Variants in TPST1 observed in about 807,000 individuals in gnomAD.
TPST1 encodes protein-tyrosine sulfotransferase 1.
A neutral mutation model predicts 34.8 loss-of-function variants in TPST1; 20 were observed. The observed-to-expected ratio is 0.57, with a 90% CI of 0.40 to 0.84. The LOEUF is 0.84. TPST1 is among the 40% of genes least tolerant of loss of function. The pLI, the probability that TPST1 is intolerant of heterozygous loss-of-function variation, is 0.00. For synonymous variants in TPST1, 152 were observed against 159.4 expected, an observed-to-expected ratio of 0.95 and a Z score of 0.35; for missense variants, 353 against 455.5, an observed-to-expected ratio of 0.78 and a Z score of 2.05.
chr7:66,317,533 TA>T (rs1177191912), intron 3 of TPST1, among the ~76,000 whole-genome samples: 1 of 152,168 alleles, frequency 6.6e-6, no homozygotes, highest in African/African-American at 2.4e-5. Context: ...CTATCCCCAA[TA>T]TTTTTTGGTT....
chr7:66,356,843 C>T lies in TPST1; in HGVS notation c.*1C>T. 1 of 1,614,158 alleles carries T rather than the reference C, an allele frequency of 6.2e-7. No individual in the cohort carries two copies. The highest frequency in any genetic ancestry group is 1.1e-5 in the South Asian group (1 of 91,088). On this transcript the variant is annotated 3_prime_UTR_variant, in exon 5 of 6. Coordinates refer to ENST00000304842, the MANE Select transcript of TPST1 (RefSeq NM_003596.4). ...TCAACAGACTGAGCAAGTGGAGTAG[C>T]AGAACCAGGAGCCTCTTCCATACAT... is the stretch of plus-strand genomic sequence containing the variant.
At chr7:66,347,727 T>C (rs1321554656) in intron 3 of TPST1, among the ~76,000 whole-genome samples, 1 of 152,224 alleles carries the variant, frequency 6.6e-6, no homozygotes, top group East Asian at 1.9e-4. Flanking sequence ...AATTTTATTT[T>C]ATTCATAGCT....
intron 3 of TPST1, among the ~76,000 whole-genome samples, chr7:66,320,466 C>T (rs1387887313): frequency 6.6e-6 from 1 of 151,692 alleles, no homozygotes; most frequent in East Asian, 1.9e-4. Context: ...CCAGGATGGT[C>T]TCGATCTCCT....
At chr7:66,233,821 C>T (rs1035784720) in intron 1 of TPST1, among the ~76,000 whole-genome samples, 2 of 152,204 alleles carry the variant, frequency 1.3e-5, no homozygotes, top group Non-Finnish European at 1.5e-5. Context: ...CACCCACTTT[C>T]CCTCTTGGTC....
intron 3 of TPST1, among the ~76,000 whole-genome samples, chr7:66,340,088 C>T (rs1792204914): frequency 6.6e-6 from 1 of 152,040 alleles, no homozygotes; most frequent in South Asian, 2.1e-4. Flanking sequence ...GTAATCCCAG[C>T]AATTTGGGAG....
intron 3 of TPST1, among the ~76,000 whole-genome samples, chr7:66,318,090 A>G (rs530690513): frequency 6.6e-6 from 1 of 152,312 alleles, no homozygotes; most frequent in African/African-American, 2.4e-5. Context: ...ACCTGGAGGC[A>G]GAGGTTACAG....
rs576256803 is a variant in TPST1 at position 66,264,233 on chromosome 7, G to C, written c.846-22278G>C. ...GCTTCCTGAATCAAGAAATAACAAT[G>C]GGGGCAAACAGTAGACTAACTAAAG... On this transcript the variant is annotated intron_variant, in intron 2 of 5. Transcript: ENST00000304842. Among the ~76,000 whole-genome samples the C allele has an allele frequency of 5.3e-5, 8 of 152,250 alleles. No individual in the cohort carries two copies. In the South Asian group the frequency reaches 1.7e-3, roughly 32 times the overall value.
intron 3 of TPST1, among the ~76,000 whole-genome samples, chr7:66,294,645 A>G (rs925939734): frequency 3.3e-5 from 5 of 151,960 alleles, no homozygotes; most frequent in Non-Finnish European, 5.9e-5. Flanking sequence ...AGCTCATTAT[A>G]TGAAACTTAC....
At chr7:66,203,236 T>G (rs934586636), upstream of TPST1, among the ~76,000 whole-genome samples, 7 of 151,580 alleles carry the variant, frequency 4.6e-5, no homozygotes, top group African/African-American at 7.3e-5. Context: ...TATATATAAT[T>G]ATTATTTTTT....
intron 2 of TPST1, among the ~76,000 whole-genome samples, chr7:66,258,494 T>C (rs573486992): frequency 5.9e-5 from 9 of 152,370 alleles, no homozygotes; most frequent in Admixed American, 4.6e-4. Context: ...GCCTTTGCTG[T>C]GCTTCCCTGA....
At chr7:66,265,568 AAAG>A (rs1300812958) in intron 2 of TPST1, among the ~76,000 whole-genome samples, 3 of 152,092 alleles carry the variant, frequency 2.0e-5, no homozygotes, top group Admixed American at 6.5e-5. Flanking sequence ...AAAAAAGAAA[AAAG>A]AAAAAAAGGG....
At chr7:66,323,200 T>C (rs2116213833) in intron 3 of TPST1, among the ~76,000 whole-genome samples, 1 of 152,308 alleles carries the variant, frequency 6.6e-6, no homozygotes, top group African/African-American at 2.4e-5. Context: ...TCTTTAGAGT[T>C]GATTTCTTTA....
At chr7:66,341,389 T>A (rs1792234477) in intron 3 of TPST1, among the ~76,000 whole-genome samples, 1 of 152,172 alleles carries the variant, frequency 6.6e-6, no homozygotes, top group Admixed American at 6.5e-5. Flanking sequence ...AGCAATTCTC[T>A]GCCTCAGCCT....
At chr7:66,203,773 C>CTG (rs1428726017), upstream of TPST1, among the ~76,000 whole-genome samples, 1 of 152,152 alleles carries the variant, frequency 6.6e-6, no homozygotes, top group East Asian at 1.9e-4. Flanking sequence ...GCGTGAGCCA[C>CTG]TGCACCCGGC....
chr7:66,276,794 A>AT (rs1450854302), intron 2 of TPST1, among the ~76,000 whole-genome samples: 2 of 151,806 alleles, frequency 1.3e-5, no homozygotes, highest in Non-Finnish European at 1.5e-5. Context: ...TACAATTTTA[A>AT]TGTTTTGTGG....
At chr7:66,246,178 A>ATTT (rs1790143538) in intron 2 of TPST1, among the ~76,000 whole-genome samples, 1 of 89,966 alleles carries the variant, frequency 1.1e-5, no homozygotes, top group Non-Finnish European at 2.1e-5. Context: ...ATGCCTGGCT[A>ATTT]ATTTTTTTTT....
At chr7:66,350,809 T>C (rs1436822384) in intron 3 of TPST1, among the ~76,000 whole-genome samples, 1 of 152,222 alleles carries the variant, frequency 6.6e-6, no homozygotes, top group African/African-American at 2.4e-5. Context: ...CCACTCTTCA[T>C]TGACATTACT....
intron 3 of TPST1, among the ~76,000 whole-genome samples, chr7:66,323,698 C>T (rs1003661760): frequency 5.3e-5 from 8 of 152,196 alleles, no homozygotes; most frequent in African/African-American, 1.7e-4. Context: ...TAAAAATTTA[C>T]ATCACCCAAT....
At chr7:66,350,819 T>C (rs1792462128) in intron 3 of TPST1, among the ~76,000 whole-genome samples, 1 of 152,224 alleles carries the variant, frequency 6.6e-6, no homozygotes, top group Non-Finnish European at 1.5e-5. Flanking sequence ...TTGACATTAC[T>C]TGTTCCCAAG....
Sources: gnomAD v4.1 joint callset for allele counts (sites outside exome capture counted in the v4.1 genomes callset) on GRCh38, gnomAD v4.1.1 for gene constraint, MANE v1.5 for transcripts, NCBI Gene and HGNC (gene_info 2026-07-23, HGNC 2026-07-21) for gene names.